The following TECRL variants were observed in gnomAD, a reference collection of about 807,000 sequenced individuals.
TECRL encodes the protein trans-2,3-enoyl-CoA reductase like, also known as trans-2,3-enoyl-CoA reductase-like.
Under a neutral mutation model 52.8 loss-of-function variants are expected in TECRL, and 63 were observed. The ratio of observed to expected loss-of-function variants is 1.19; its 90% CI spans 0.97 to 1.47. The LOEUF (loss-of-function observed/expected upper bound fraction) is 1.47, where lower values mean the gene tolerates loss of function less well. Among genes scored for constraint, TECRL ranks in the 40% most tolerant of loss-of-function variants. The pLI is 0.00. For synonymous variants in TECRL, 164 were observed against 141.9 expected, an observed-to-expected ratio of 1.16 and a Z score of -1.10; for missense variants, 482 against 429.6, an observed-to-expected ratio of 1.12 and a Z score of -1.08.
intron 7 of TECRL, chr4:64,304,929 T>C (rs1724239386): frequency 6.5e-6 from 2 of 310,046 alleles, no homozygotes; most frequent in Admixed American, 4.7e-5. Context: ...TAGCTGTTTT[T>C]TTGGAGGTTT....
rs139825808 is a variant in TECRL, at chr4:64,323,297, T to G, written c.332-505A>C. Reference sequence around the variant, plus strand: ...CTGTAGTCCCAGCAATTCAGGAGGCTGAGGTGGGAGGATTGCTTGAGCCAG... The same window carrying G: ...CTGTAGTCCCAGCAATTCAGGAGGCGGAGGTGGGAGGATTGCTTGAGCCAG... On this transcript the variant is annotated intron_variant, in intron 3 of 11. Transcript: ENST00000381210. Among the ~76,000 whole-genome samples, 5 of 151,960 alleles carry G rather than the reference T, an allele frequency of 3.3e-5. No homozygotes were observed. The East Asian group carries it at 9.7e-4, about 29-fold the overall frequency.
chr4:64,295,049 T>C (rs1210273138), intron 8 of TECRL, among the ~76,000 whole-genome samples: 1 of 151,684 alleles, frequency 6.6e-6, no homozygotes, highest in Non-Finnish European at 1.5e-5. Context: ...TTATAAACCT[T>C]TTTTCAATTT....
At chr4:64,382,854 T>C (rs1722914804) in intron 1 of TECRL, among the ~76,000 whole-genome samples, 1 of 152,118 alleles carries the variant, frequency 6.6e-6, no homozygotes, top group South Asian at 2.1e-4. Context: ...GTCCCTCCCT[T>C]TCTTATTGTG....
At chr4:64,346,364 T>A (rs971320665) in intron 2 of TECRL, among the ~76,000 whole-genome samples, 1 of 152,228 alleles carries the variant, frequency 6.6e-6, no homozygotes. Flanking sequence ...TGCACTATTC[T>A]AGAAGAGGTT....
intron 2 of TECRL, among the ~76,000 whole-genome samples, chr4:64,339,621 GT>G (rs1465376269): frequency 6.6e-6 from 1 of 151,764 alleles, no homozygotes; most frequent in Non-Finnish European, 1.5e-5. Flanking sequence ...ACTTATCAAT[GT>G]TGATGATTTT....
chr4:64,401,002 C>T (rs1283540994), intron 1 of TECRL, among the ~76,000 whole-genome samples: 1 of 152,138 alleles, frequency 6.6e-6, no homozygotes, highest in African/African-American at 2.4e-5. Context: ...TGTGAGGTGG[C>T]TGAGTGTCTT....
chr4:64,323,761 C>T (rs1171535557), intron 3 of TECRL, among the ~76,000 whole-genome samples: 1 of 152,060 alleles, frequency 6.6e-6, no homozygotes, highest in African/African-American at 2.4e-5. Context: ...GGAGAAGATT[C>T]AGTGAGGTAA....
intron 8 of TECRL, among the ~76,000 whole-genome samples, chr4:64,297,729 A>G (rs1419702065): frequency 2.6e-5 from 4 of 151,196 alleles, no homozygotes; most frequent in Admixed American, 6.6e-5. Context: ...AATAGACTTT[A>G]AATTGCAGAA....
At chr4:64,388,130 T>G (rs1426041559) in intron 1 of TECRL, among the ~76,000 whole-genome samples, 1 of 151,648 alleles carries the variant, frequency 6.6e-6, no homozygotes, top group Non-Finnish European at 1.5e-5. Context: ...TAGTTTTGTT[T>G]ATAGTTTTAG....
chr4:64,304,339 T>A (rs1724203168), intron 7 of TECRL, among the ~76,000 whole-genome samples: 1 of 151,990 alleles, frequency 6.6e-6, no homozygotes, highest in Non-Finnish European at 1.5e-5. Flanking sequence ...ACTCTTCACT[T>A]CCCAGACTGA....
intron 7 of TECRL, among the ~76,000 whole-genome samples, chr4:64,302,294 G>C (rs1724068768): frequency 6.6e-6 from 1 of 151,344 alleles, no homozygotes; most frequent in East Asian, 1.9e-4. Flanking sequence ...AGCCAAATTT[G>C]ATGAGAATAG....
chr4:64,349,323 G>C (rs963052433), intron 2 of TECRL, among the ~76,000 whole-genome samples: 2 of 151,738 alleles, frequency 1.3e-5, no homozygotes, highest in African/African-American at 4.8e-5. Context: ...AGTAGAGATG[G>C]GGTTTCTCCA....
At chr4:64,295,321 T>G (rs1001939036) in intron 8 of TECRL, among the ~76,000 whole-genome samples, 1 of 151,100 alleles carries the variant, frequency 6.6e-6, no homozygotes. Flanking sequence ...TTTATGAACT[T>G]ATTTTTTGCA....
At chr4:64,399,205 G>T (rs1353454802) in intron 1 of TECRL, among the ~76,000 whole-genome samples, 2 of 152,094 alleles carry the variant, frequency 1.3e-5, no homozygotes, top group Non-Finnish European at 2.9e-5. Flanking sequence ...CTCTCCCTGG[G>T]ACACCTCTGG....
At chr4:64,320,641 A>C (rs1717833570) in intron 4 of TECRL, among the ~76,000 whole-genome samples, 1 of 152,048 alleles carries the variant, frequency 6.6e-6, no homozygotes, top group Admixed American at 6.6e-5. Context: ...GATGAAGCTG[A>C]AATTTCTAAT....
intron 2 of TECRL, among the ~76,000 whole-genome samples, chr4:64,336,404 C>T (rs1719085475): frequency 6.6e-6 from 1 of 151,756 alleles, no homozygotes; most frequent in South Asian, 2.1e-4. Flanking sequence ...CTTCTCTCTT[C>T]TTTATTAGTC....
At chr4:64,303,466 C>T (rs1263205506) in intron 7 of TECRL, among the ~76,000 whole-genome samples, 1 of 151,680 alleles carries the variant, frequency 6.6e-6, no homozygotes, top group Non-Finnish European at 1.5e-5. Flanking sequence ...AACTGACTGG[C>T]TGTGGATTGG....
chr4:64,277,526 A>G (rs1722614715), downstream of TECRL, among the ~76,000 whole-genome samples: 1 of 151,798 alleles, frequency 6.6e-6, no homozygotes, highest in African/African-American at 2.4e-5. Context: ...TGGGAATTAT[A>G]AGGCTTTTAA....
In TECRL at chr4:64,282,637, T is replaced by C. The variant is rs564818211; in HGVS notation, c.833-1078A>G. On this transcript the variant is annotated intron_variant, in intron 9 of 11. Coordinates refer to ENST00000381210, the MANE Select transcript of TECRL (RefSeq NM_001010874.5). ...TTTCAGAGGCAGAAGTTTCAGGAAATAGTCTGCTTTAGAGCCTGTAGTTTA... is the reference window on the plus strand; with the variant it reads ...TTTCAGAGGCAGAAGTTTCAGGAAACAGTCTGCTTTAGAGCCTGTAGTTTA... Among the ~76,000 whole-genome samples the C allele has an allele frequency of 5.9e-5, 9 of 152,066 alleles. No homozygotes were observed. In the South Asian group the frequency reaches 1.7e-3, roughly 28 times the overall value.
Sources: gnomAD v4.1 joint callset for allele counts (sites outside exome capture counted in the v4.1 genomes callset) on GRCh38, gnomAD v4.1.1 for gene constraint, MANE v1.5 for transcripts, NCBI Gene and HGNC (gene_info 2026-07-23, HGNC 2026-07-21) for gene names.